The following THADA variants were observed in gnomAD, a reference collection of about 807,000 sequenced individuals.
THADA encodes tRNA (32-2'-O)-methyltransferase regulator THADA.
In THADA, 213 loss-of-function variants were observed where a neutral mutation model predicts 219.8. That is an observed-to-expected ratio of 0.97 (90% CI 0.87 to 1.09). The LOEUF is 1.09. Ranked by LOEUF, THADA falls within the 50% of genes least tolerant of loss-of-function variation. THADA has a pLI of 0.00. For missense variants in THADA, 2,956 were observed against 2,311.3 expected, an observed-to-expected ratio of 1.28 and a Z score of -5.72; for synonymous variants, 1,018 against 828.9, an observed-to-expected ratio of 1.23 and a Z score of -3.92.
chr2:43,505,764 G>T, intron 23 of THADA, 29 bp from the exon 24 acceptor site: 2 of 1,491,666 alleles, frequency 1.3e-6, no homozygotes, highest in South Asian at 1.2e-5. Context: ...AAAATTAACA[G>T]GGTTCTTAGT....
intron 31 of THADA, among the ~76,000 whole-genome samples, chr2:43,308,445 C>G (rs1466575701): frequency 6.6e-6 from 1 of 152,010 alleles, no homozygotes; most frequent in East Asian, 1.9e-4. Context: ...TGGCTCACGT[C>G]TGTAATCCCA....
intron 36 of THADA, among the ~76,000 whole-genome samples, chr2:43,244,706 C>T (rs1558458676): frequency 6.6e-6 from 1 of 152,242 alleles, no homozygotes; most frequent in Non-Finnish European, 1.5e-5. Flanking sequence ...TGAACTGTGT[C>T]AGGCCTTTCC....
chr2:43,378,934 T>G (rs922642165), intron 29 of THADA, among the ~76,000 whole-genome samples: 8 of 152,050 alleles, frequency 5.3e-5, no homozygotes, highest in Non-Finnish European at 7.4e-5. Context: ...CTGAAGGAAG[T>G]AAGTGTCAAC....
At chr2:43,549,980 T>C (rs1056382740) in intron 19 of THADA, among the ~76,000 whole-genome samples, 1 of 151,842 alleles carries the variant, frequency 6.6e-6, no homozygotes, top group Non-Finnish European at 1.5e-5. Context: ...TTATGTAATA[T>C]ACTGCTTTCT....
At chr2:43,419,119 T>C (rs1677379549) in intron 28 of THADA, among the ~76,000 whole-genome samples, 1 of 152,144 alleles carries the variant, frequency 6.6e-6, no homozygotes, top group African/African-American at 2.4e-5. Context: ...CCACATCTTC[T>C]CTTGCAAATG....
intron 26 of THADA, among the ~76,000 whole-genome samples, chr2:43,478,275 A>G (rs1685781292): frequency 6.6e-6 from 1 of 152,220 alleles, no homozygotes; most frequent in South Asian, 2.1e-4. Flanking sequence ...CATTACTCAA[A>G]TCAGTAGTTA....
At chr2:43,241,737 C>T (rs561011401) in intron 36 of THADA, among the ~76,000 whole-genome samples, 69 of 152,140 alleles carry the variant, frequency 4.5e-4, no homozygotes, top group African/African-American at 1.6e-3. Context: ...CTACAGAAGG[C>T]GGATGCTTCC....
chr2:43,418,999 A>C (rs1462676177), intron 28 of THADA, among the ~76,000 whole-genome samples: 4 of 152,134 alleles, frequency 2.6e-5, no homozygotes, highest in Non-Finnish European at 4.4e-5. Context: ...GAAGGGGAAA[A>C]ATGGAGACTA....
intron 33 of THADA, 145 bp downstream of exon 33, chr2:43,291,959 C>G (rs769335422): frequency 3.9e-6 from 3 of 760,580 alleles, no homozygotes; most frequent in Non-Finnish European, 6.3e-6. Flanking sequence ...CATTCTATTG[C>G]TTGAGTTTAG....
At chr2:43,522,521 C>T (rs1338044930) in intron 22 of THADA, among the ~76,000 whole-genome samples, 1 of 152,042 alleles carries the variant, frequency 6.6e-6, no homozygotes, top group Non-Finnish European at 1.5e-5. Flanking sequence ...TATAATCATT[C>T]CCTAAGATCA....
intron 30 of THADA, among the ~76,000 whole-genome samples, chr2:43,337,725 C>A (rs1252375319): frequency 1.3e-5 from 2 of 151,912 alleles, no homozygotes; most frequent in Non-Finnish European, 1.5e-5. Context: ...ACACACCACA[C>A]TCATGTACAA....
At chr2:43,387,307 G>C (rs541228059) in intron 29 of THADA, among the ~76,000 whole-genome samples, 13 of 152,328 alleles carry the variant, frequency 8.5e-5, no homozygotes, top group African/African-American at 3.1e-4. Context: ...AAGTGGATGA[G>C]AGGCAGGTTG....
intron 30 of THADA, among the ~76,000 whole-genome samples, chr2:43,337,616 T>C (rs1019988629): frequency 5.3e-5 from 8 of 152,072 alleles, no homozygotes; most frequent in African/African-American, 1.7e-4. Context: ...ACCAAGACTT[T>C]TTCCATTTCC....
At chr2:43,425,800 C>A (rs549669934) in intron 28 of THADA, among the ~76,000 whole-genome samples, 32 of 152,240 alleles carry the variant, frequency 2.1e-4, no homozygotes, top group Non-Finnish European at 4.3e-4. Flanking sequence ...TGTGTTATCA[C>A]CCTCATTTGC....
At chr2:43,579,232 A>G (rs114515492) in intron 8 of THADA, among the ~76,000 whole-genome samples, 168 of 152,290 alleles carry the variant, frequency 1.1e-3, no homozygotes, top group African/African-American at 3.9e-3. Context: ...ATTGCTTCCC[A>G]AAACACCTAA....
intron 26 of THADA, among the ~76,000 whole-genome samples, chr2:43,453,551 G>A (rs2104903074): frequency 6.6e-6 from 1 of 152,290 alleles, no homozygotes; most frequent in South Asian, 2.1e-4. Flanking sequence ...CAGTAAGTAG[G>A]TTGGTTTCTG....
At chr2:43,341,080 C>T (rs1667011439) in intron 30 of THADA, among the ~76,000 whole-genome samples, 1 of 152,194 alleles carries the variant, frequency 6.6e-6, no homozygotes, top group Non-Finnish European at 1.5e-5. Context: ...AGTATGTTTT[C>T]CTTCCAAACT....
intron 24 of THADA, among the ~76,000 whole-genome samples, chr2:43,499,377 A>G (rs988467536): frequency 2.6e-5 from 4 of 151,682 alleles, no homozygotes; most frequent in Admixed American, 2.6e-4. Flanking sequence ...TTTATTTTTT[A>G]TTTTATTTTA....
At chr2:43,351,517 AACTC>A (rs769989233) in intron 29 of THADA, among the ~76,000 whole-genome samples, 55 of 152,198 alleles carry the variant, frequency 3.6e-4, no homozygotes, top group Non-Finnish European at 6.3e-4. Flanking sequence ...CCCACCCTAA[AACTC>A]ACTGTTTTTC....
Sources: gnomAD v4.1 joint callset for allele counts (sites outside exome capture counted in the v4.1 genomes callset) on GRCh38, gnomAD v4.1.1 for gene constraint, MANE v1.5 for transcripts, NCBI Gene and HGNC (gene_info 2026-07-23, HGNC 2026-07-21) for gene names.